The following AFG1L variants were observed in gnomAD, a reference collection of about 807,000 sequenced individuals.
AFG1L encodes the protein AFG1-like ATPase.
Under a neutral mutation model 62.2 loss-of-function variants are expected in AFG1L, and 53 were observed. The ratio of observed to expected loss-of-function variants is 0.85; its 90% CI spans 0.68 to 1.07. The LOEUF (loss-of-function observed/expected upper bound fraction) is 1.07. Ranked by LOEUF, AFG1L falls within the 50% of genes least tolerant of loss-of-function variation. The pLI is 0.00. For synonymous variants in AFG1L, 228 were observed against 210.3 expected, an observed-to-expected ratio of 1.08 and a Z score of -0.73; for missense variants, 555 against 590.5, an observed-to-expected ratio of 0.94 and a Z score of 0.62.
intron 3 of AFG1L, among the ~76,000 whole-genome samples, chr6:108,351,744 A>G (rs926560619): frequency 2.0e-5 from 3 of 152,168 alleles, no homozygotes; most frequent in Non-Finnish European, 4.4e-5. Flanking sequence ...CACGTAACAT[A>G]AAATTTTCCC....
intron 2 of AFG1L, among the ~76,000 whole-genome samples, chr6:108,333,404 A>G (rs1582390355): frequency 6.7e-6 from 1 of 150,266 alleles, no homozygotes; most frequent in Non-Finnish European, 1.5e-5. Flanking sequence ...GCGAGACTCC[A>G]TCTCAAAAAA....
chr6:108,395,513 C>T (rs184953074), intron 6 of AFG1L, among the ~76,000 whole-genome samples: 1 of 150,334 alleles, frequency 6.7e-6, no homozygotes, highest in South Asian at 2.1e-4. Flanking sequence ...GTGAGCCTCC[C>T]ACCTCATCTT....
At chr6:108,348,671 A>T (rs1317652924) in intron 3 of AFG1L, among the ~76,000 whole-genome samples, 1 of 152,226 alleles carries the variant, frequency 6.6e-6, no homozygotes, top group Non-Finnish European at 1.5e-5. Context: ...TTTTGAAAGC[A>T]GTTATAACAG....
intron 6 of AFG1L, among the ~76,000 whole-genome samples, chr6:108,366,677 C>T (rs543426359): frequency 5.3e-5 from 8 of 150,672 alleles, no homozygotes; most frequent in South Asian, 2.1e-4. Context: ...AAATGAAAGA[C>T]GAAACTCATA....
At chr6:108,514,332 G>GCACT (rs1259466536) in intron 11 of AFG1L, among the ~76,000 whole-genome samples, 2 of 152,104 alleles carry the variant, frequency 1.3e-5, no homozygotes, top group African/African-American at 2.4e-5. Context: ...AAGAGAGTGG[G>GCACT]GGCCAATATT....
At chr6:108,363,184 T>G (rs1779613213) in intron 5 of AFG1L, among the ~76,000 whole-genome samples, 1 of 152,222 alleles carries the variant, frequency 6.6e-6, no homozygotes, top group African/African-American at 2.4e-5. Context: ...CAGAATGCTC[T>G]TCATTAGTTT....
chr6:108,309,709 A>G (rs1777331150), intron 1 of AFG1L, among the ~76,000 whole-genome samples: 1 of 152,180 alleles, frequency 6.6e-6, no homozygotes, highest in Non-Finnish European at 1.5e-5. Flanking sequence ...CAGATTAAAT[A>G]TTTCCAATGA....
intron 2 of AFG1L, among the ~76,000 whole-genome samples, chr6:108,334,380 C>A (rs965582222): frequency 6.6e-6 from 1 of 151,424 alleles, no homozygotes; most frequent in African/African-American, 2.4e-5. Flanking sequence ...TCTACTAGTT[C>A]AGCCTTTCCT....
Position 108,524,125 on chromosome 6 carries a change from A to G in AFG1L, c.*1700A>G, listed in dbSNP as rs1157795153. On this transcript the variant is annotated 3_prime_UTR_variant, in exon 13 of 13. Coordinates refer to ENST00000368977, the MANE Select transcript of AFG1L (RefSeq NM_145315.5). ...CACTGTCTCTTACTCTTACTATTTA[A>G]AAAAAAGAGATTGTTTTAAAAATTG... 1 of 152,168 alleles carries G rather than the reference A, an allele frequency of 6.6e-6. No homozygotes were observed. The allele number at this position is 152,168 out of a possible 1,614,324, so 9.4% of individuals were successfully genotyped here.
chr6:108,308,576 C>T (rs1777291549), intron 1 of AFG1L, among the ~76,000 whole-genome samples: 1 of 152,040 alleles, frequency 6.6e-6, no homozygotes, highest in Admixed American at 6.6e-5. Context: ...TGCAGTGATG[C>T]AAACATAGCT....
chr6:108,364,857 G>GGAAA (rs1779685578), intron 5 of AFG1L, among the ~76,000 whole-genome samples: 1 of 107,566 alleles, frequency 9.3e-6, no homozygotes, highest in African/African-American at 3.5e-5. Flanking sequence ...GTTATAACCT[G>GGAAA]AGACAGCCAA....
At chr6:108,376,788 C>A (rs1016878689) in intron 6 of AFG1L, among the ~76,000 whole-genome samples, 1 of 151,984 alleles carries the variant, frequency 6.6e-6, no homozygotes, top group African/African-American at 2.4e-5. Flanking sequence ...TCCAATTGGT[C>A]AACTGTTAAG....
intron 7 of AFG1L, among the ~76,000 whole-genome samples, chr6:108,431,765 G>T (rs1771087157): frequency 6.6e-6 from 1 of 151,538 alleles, no homozygotes; most frequent in Non-Finnish European, 1.5e-5. Flanking sequence ...TGTATTTTTA[G>T]TAGAGACGGG....
rs540472984 is a variant in AFG1L at position 108,514,776 on chromosome 6, G to C, written c.1203+4424G>C. 2.6e-5 allele frequency among the ~76,000 whole-genome samples: 4 copies of C among 152,102 alleles called. No homozygotes were observed. The East Asian group carries it at 5.8e-4, about 22-fold the overall frequency. On this transcript the variant is annotated intron_variant, in intron 11 of 12. Coordinates refer to ENST00000368977, the MANE Select transcript of AFG1L (RefSeq NM_145315.5). ...CCATCTCACATGCAGAGACACACAT[G>C]GACTCAAAATAAAAGGATGGAGGAA...
chr6:108,359,654 A>G (rs1779445504), intron 5 of AFG1L: 1 of 152,324 alleles, frequency 6.6e-6, no homozygotes, highest in South Asian at 2.1e-4. Context: ...TCTCCTCAGC[A>G]GCCTTGGACT....
chr6:108,305,959 A>C (rs1049393544), intron 1 of AFG1L, among the ~76,000 whole-genome samples: 1 of 152,122 alleles, frequency 6.6e-6, no homozygotes, highest in African/African-American at 2.4e-5. Flanking sequence ...GTTGGAATGC[A>C]GTGGTGCGAT....
chr6:108,367,669 G>A (rs529151524), intron 6 of AFG1L, among the ~76,000 whole-genome samples: 2 of 152,256 alleles, frequency 1.3e-5, no homozygotes, highest in African/African-American at 2.4e-5. Context: ...GGTGACAAGG[G>A]GGATACATAT....
chr6:108,387,890 A>G (rs1780842839), intron 6 of AFG1L: 1 of 152,122 alleles, frequency 6.6e-6, no homozygotes, highest in African/African-American at 2.4e-5. Context: ...CACATTGTCT[A>G]GCAGCTAGAA....
chr6:108,428,890 C>G (rs75011842), intron 7 of AFG1L, among the ~76,000 whole-genome samples: 4,619 of 152,150 alleles, frequency 0.03, 252 homozygotes, highest in African/African-American at 0.11. Context: ...TCTGTTTACT[C>G]TAATGATTAT....
Sources: allele counts gnomAD v4.1 joint callset (sites outside exome capture counted in the v4.1 genomes callset), GRCh38; gene constraint gnomAD v4.1.1; transcripts MANE v1.5; gene names NCBI Gene and HGNC (gene_info 2026-07-23, HGNC 2026-07-21).